Variants in GAB1 observed in about 807,000 individuals in gnomAD.
GAB1 encodes the protein GRB2 associated binding protein 1.
Under a neutral mutation model 66.5 loss-of-function variants are expected in GAB1, and 19 were observed. That is an observed-to-expected ratio of 0.29 (90% CI 0.20 to 0.42). The LOEUF (loss-of-function observed/expected upper bound fraction) is 0.42, where lower values mean the gene tolerates loss of function less well. Among genes scored for constraint, GAB1 ranks in the 10% least tolerant of loss-of-function variants. GAB1 has a pLI of 1.00. For missense variants in GAB1, 732 were observed against 858.5 expected (o/e 0.85, Z 1.84); for synonymous variants, 294 against 301.4 (o/e 0.98, Z 0.25).
intron 1 of GAB1, among the ~76,000 whole-genome samples, chr4:143,341,851 C>T (rs544626920): frequency 7.6e-4 from 115 of 152,276 alleles, no homozygotes; most frequent in African/African-American, 2.7e-3. Context: ...GCATGAAACC[C>T]CTGCTCAATA....
At chr4:143,434,108 C>G (rs1379269267) in intron 3 of GAB1, 12 of 1,293,508 alleles carry the variant, frequency 9.3e-6, no homozygotes, top group Non-Finnish European at 1.2e-5. Context: ...TCTTTTGTTT[C>G]TGAAGAAGGA....
intron 3 of GAB1, among the ~76,000 whole-genome samples, chr4:143,436,301 G>T (rs1202189388): frequency 6.6e-6 from 1 of 152,184 alleles, no homozygotes; most frequent in Non-Finnish European, 1.5e-5. Flanking sequence ...TGAAGAATAG[G>T]ATGGAGAAGG....
chr4:143,415,350 C>G, intron 1 of GAB1, 127 bp from the exon 2 acceptor site: 1 of 737,334 alleles, frequency 1.4e-6, no homozygotes, highest in South Asian at 2.1e-5. Context: ...AAAACACACA[C>G]ACAAACACAC....
intron 1 of GAB1, among the ~76,000 whole-genome samples, chr4:143,365,100 A>G (rs1010914206): frequency 6.6e-6 from 1 of 151,348 alleles, no homozygotes; most frequent in African/African-American, 2.4e-5. Context: ...GATGGTCTCG[A>G]TCTCCTGACC....
At chr4:143,400,649 G>A (rs1731720214) in intron 1 of GAB1, among the ~76,000 whole-genome samples, 3 of 152,210 alleles carry the variant, frequency 2.0e-5, no homozygotes, top group African/African-American at 7.2e-5. Flanking sequence ...CAGCCAACCT[G>A]GGGTTACAGA....
intron 1 of GAB1, among the ~76,000 whole-genome samples, chr4:143,371,296 C>T (rs951956135): frequency 1.3e-5 from 2 of 152,126 alleles, no homozygotes; most frequent in African/African-American, 2.4e-5. Context: ...TCTCTGATGG[C>T]CAGTGATGAT....
intron 1 of GAB1, among the ~76,000 whole-genome samples, chr4:143,384,063 A>G (rs1730780198): frequency 1.3e-5 from 2 of 152,150 alleles, no homozygotes; most frequent in Non-Finnish European, 2.9e-5. Context: ...ACAGAGCAAG[A>G]CCTTGTCTCT....
At chr4:143,442,605 T>C (rs28925916) in intron 6 of GAB1, among the ~76,000 whole-genome samples, 1,762 of 152,316 alleles carry the variant, frequency 0.012, 28 homozygotes, top group African/African-American at 0.04. Flanking sequence ...ATATATTTTA[T>C]GTATATATCA....
intron 1 of GAB1, among the ~76,000 whole-genome samples, chr4:143,407,514 T>C (rs1732114431): frequency 6.6e-6 from 1 of 152,216 alleles, no homozygotes; most frequent in South Asian, 2.1e-4. Context: ...ATATCTTAAG[T>C]TTATGGAACA....
At chr4:143,419,213 A>AAT (rs1221200336) in intron 2 of GAB1, among the ~76,000 whole-genome samples, 5 of 152,074 alleles carry the variant, frequency 3.3e-5, no homozygotes, top group African/African-American at 1.2e-4. Flanking sequence ...TATGCATTAA[A>AAT]ATATATATAC....
At chr4:143,338,796 T>C (rs1728739055) in intron 1 of GAB1, among the ~76,000 whole-genome samples, 1 of 151,854 alleles carries the variant, frequency 6.6e-6, no homozygotes, top group Non-Finnish European at 1.5e-5. Flanking sequence ...GAAGGCCCAA[T>C]TTAGGAAAAA....
intron 3 of GAB1, among the ~76,000 whole-genome samples, chr4:143,437,322 C>A (rs1009501289): frequency 6.6e-6 from 1 of 152,060 alleles, no homozygotes; most frequent in Admixed American, 6.6e-5. Context: ...ATGCAGAGAC[C>A]GAAAATGTTC....
chr4:143,432,952 C>T (rs769819186), intron 2 of GAB1, among the ~76,000 whole-genome samples: 1 of 152,138 alleles, frequency 6.6e-6, no homozygotes, highest in Non-Finnish European at 1.5e-5. Context: ...TTTCCTTGAA[C>T]ATGAATAGAC....
At chr4:143,408,380 A>G (rs564417557) in intron 1 of GAB1, among the ~76,000 whole-genome samples, 7 of 152,304 alleles carry the variant, frequency 4.6e-5, no homozygotes, top group Admixed American at 3.3e-4. Context: ...ACCTATTCTT[A>G]GTTATCAGAG....
intron 1 of GAB1, among the ~76,000 whole-genome samples, chr4:143,387,082 G>A (rs1360504684): frequency 3.9e-5 from 6 of 152,150 alleles, no homozygotes; most frequent in Non-Finnish European, 7.4e-5. Flanking sequence ...CATACTAGTG[G>A]CCCATGGGGC....
chr4:143,469,255 ATGAC>A lies in GAB1; in HGVS notation c.*68_*71del. On this transcript the variant is annotated 3_prime_UTR_variant, in exon 10 of 10. Coordinates refer to ENST00000262994, the MANE Select transcript of GAB1 (RefSeq NM_002039.4). The stretch of plus-strand genomic sequence containing the variant: ...TGTAAAGATAAATCCCTTTTGAAGA[ATGAC>A]TTGACACTTCCACTCTAGGTAGATC... 2 of 1,501,692 alleles carry A rather than the reference ATGAC, an allele frequency of 1.3e-6. No individual in the cohort carries two copies. Among genetic ancestry groups the A allele is most frequent in the Non-Finnish European group, 1.8e-6 (2 of 1,095,810 alleles). The allele number at this position is 1,501,692 out of a possible 1,614,324, so 93.0% of individuals were successfully genotyped here.
rs146993674 is a variant in GAB1 at position 143,466,220 on chromosome 4, C to T, written c.1921C>T (p.Arg641Cys). The T allele has an allele frequency of 3.1e-6, 5 of 1,613,346 alleles. No individual in the cohort carries two copies. The highest frequency in any genetic ancestry group is 4.5e-5 in the East Asian group (2 of 44,836). Residue 641 changes from arginine (R) to cysteine (C), a missense_variant, in exon 9 of 10, where the codon CGT becomes TGT. Arg to Cys is a radical substitution (Grantham distance 180, BLOSUM62 -3). Transcript: ENST00000262994. ...DLDSGKSTPP[R>C]KQKSSGSGSS... is the part of the protein sequence containing the mutation. ...AGATTCTGGGAAATCCACACCACCACGTAAGGTGAGTGACATGTGACATGT... is the reference window on the plus strand; with the variant it reads ...AGATTCTGGGAAATCCACACCACCATGTAAGGTGAGTGACATGTGACATGT...
intron 1 of GAB1, among the ~76,000 whole-genome samples, chr4:143,405,503 T>C (rs961619761): frequency 6.6e-6 from 1 of 152,206 alleles, no homozygotes; most frequent in Non-Finnish European, 1.5e-5. Context: ...CACTATTGGT[T>C]TGTTGTATCA....
At chr4:143,458,586 GA>G in intron 6 of GAB1, among the ~76,000 whole-genome samples, 1 of 151,750 alleles carries the variant, frequency 6.6e-6, no homozygotes, top group Admixed American at 6.6e-5. Context: ...GTAAATTTCT[GA>G]AAAAATCTCA....
Sources: allele counts gnomAD v4.1 joint callset (sites outside exome capture counted in the v4.1 genomes callset), GRCh38; gene constraint gnomAD v4.1.1; transcripts MANE v1.5; gene names NCBI Gene and HGNC (gene_info 2026-07-23, HGNC 2026-07-21).